Variants in VCAN observed in about 807,000 individuals in gnomAD.
VCAN encodes the protein versican, also known as versican core protein.
VCAN carries 44 observed loss-of-function variants against 245.5 expected under a neutral mutation model. That is an observed-to-expected ratio of 0.18 (90% CI 0.14 to 0.23). The LOEUF is 0.23. Ranked by LOEUF, VCAN falls within the 10% of genes least tolerant of loss-of-function variation. The pLI, the probability that VCAN is intolerant of heterozygous loss-of-function variation, is 1.00. For synonymous variants in VCAN, 1,413 were observed against 1,437.0 expected, an observed-to-expected ratio of 0.98 and a Z score of 0.38; for missense variants, 3,793 against 4,057.9, an observed-to-expected ratio of 0.93 and a Z score of 1.77.
intron 3 of VCAN, 128 bp downstream of exon 3, chr5:83,490,600 T>A: frequency 1.5e-6 from 2 of 1,377,308 alleles, no homozygotes; most frequent in Non-Finnish European, 2.0e-6. Flanking sequence ...GTCAATCCAG[T>A]AGTCCACGTC....
rs6149088 is a variant in VCAN at position 83,565,390 on chromosome 5, GGTGTGTGTGTGTGTGT to G, written c.9736-7005_9736-6990del. Reference sequence around the variant, plus strand: ...TGCCAAGAAGTATTGTATGTGTAAGGGTGTGTGTGTGTGTGTGTGTGTGTGTGTGTGTGTGTATGTG... The same window carrying G: ...TGCCAAGAAGTATTGTATGTGTAAGGGTGTGTGTGTGTGTGTGTGTATGTG... On this transcript the variant is annotated intron_variant, in intron 12 of 14. Transcript: ENST00000265077. Among the ~76,000 whole-genome samples the G allele has an allele frequency of 3.2e-4, 48 of 149,238 alleles. 1 individual carries two copies. The South Asian group carries it at 5.9e-3, about 18-fold the overall frequency.
chr5:83,568,571 T>G (rs1045072100), intron 12 of VCAN, among the ~76,000 whole-genome samples: 1 of 151,814 alleles, frequency 6.6e-6, no homozygotes, highest in Non-Finnish European at 1.5e-5. Context: ...AGTGTGAAAA[T>G]GAGATGGTTA....
rs373863261 is a variant in VCAN, at chr5:83,553,430, G to A, written c.9560G>A (p.Arg3187Gln). 83 of 1,613,996 alleles carry A rather than the reference G, an allele frequency of 5.1e-5. No individual in the cohort carries two copies. The East Asian group carries it at 1.5e-3, about 29-fold the overall frequency. ...QGQCYKYFAH[R>Q]RTWDAAEREC... Reference sequence around the variant, plus strand: ...CAGTGCTACAAATACTTTGCCCATCGACGCACATGGGATGCAGCTGAACGG... The same window carrying A: ...CAGTGCTACAAATACTTTGCCCATCAACGCACATGGGATGCAGCTGAACGG... Residue 3187 changes from arginine to glutamine, a missense_variant, in exon 11 of 15, where the codon CGA (arginine) becomes CAA (glutamine). Physicochemically the swap from Arg to Gln is conservative, Grantham distance 43. Coordinates refer to ENST00000265077, the MANE Select transcript of VCAN (RefSeq NM_004385.5).
chr5:83,513,130 C>A (rs1379474902), intron 6 of VCAN, among the ~76,000 whole-genome samples: 1 of 152,074 alleles, frequency 6.6e-6, no homozygotes, highest in Non-Finnish European at 1.5e-5. Flanking sequence ...CAGTAGTAGT[C>A]ACATGATATA....
intron 7 of VCAN, among the ~76,000 whole-genome samples, chr5:83,524,894 G>T (rs1030847882): frequency 6.6e-6 from 1 of 152,116 alleles, no homozygotes; most frequent in Non-Finnish European, 1.5e-5. Context: ...AAAGTCCTTG[G>T]TGCATGTGTG....
chr5:83,558,129 C>T (rs1482225052), intron 12 of VCAN, among the ~76,000 whole-genome samples: 1 of 152,134 alleles, frequency 6.6e-6, no homozygotes, highest in Admixed American at 6.6e-5. Flanking sequence ...TTTCCTCTAT[C>T]CTTTTCCTCT....
chr5:83,578,683 T>G (rs1190252366), intron 13 of VCAN, among the ~76,000 whole-genome samples: 1 of 152,180 alleles, frequency 6.6e-6, no homozygotes. Context: ...CCAAGGTTTC[T>G]GGTAATCATT....
At chr5:83,478,596 A>T (rs934646844) in intron 1 of VCAN, among the ~76,000 whole-genome samples, 1 of 152,208 alleles carries the variant, frequency 6.6e-6, no homozygotes, top group Non-Finnish European at 1.5e-5. Context: ...TATCCACCTA[A>T]TGGAAAACTA....
intron 7 of VCAN, among the ~76,000 whole-genome samples, chr5:83,524,915 A>G (rs1012319932): frequency 3.9e-5 from 6 of 152,216 alleles, no homozygotes; most frequent in Admixed American, 6.5e-5. Flanking sequence ...AACTTGTATA[A>G]ATCTATTCAC....
chr5:83,528,821 A>T (rs759655771), intron 7 of VCAN, among the ~76,000 whole-genome samples: 9 of 152,098 alleles, frequency 5.9e-5, no homozygotes, highest in Non-Finnish European at 8.8e-5. Flanking sequence ...AAGTTAGGGA[A>T]TCTGGAGTCA....
rs188167232 is a variant in VCAN, at chr5:83,575,126, A to G, written c.9880+2566A>G. Among the ~76,000 whole-genome samples the G allele has an allele frequency of 1.9e-3, 283 of 152,342 alleles. 1 individual carries two copies. Among genetic ancestry groups the G allele is most frequent in the African/African-American group, 6.3e-3 (264 of 41,588 alleles). ...TTGAATACAAAAATAATAAAACTAA[A>G]AACCATACTCTATAAATATTTTAGG... On this transcript the variant is annotated intron_variant, in intron 13 of 14. Transcript: ENST00000265077.
At chr5:83,548,219 A>C in intron 10 of VCAN, 135 bp downstream of exon 10, 2 of 735,134 alleles carry the variant, frequency 2.7e-6, no homozygotes. Context: ...AGCTCAAAAC[A>C]TCTGAATCAT....
At chr5:83,564,980 A>G (rs945285353) in intron 12 of VCAN, among the ~76,000 whole-genome samples, 4 of 152,152 alleles carry the variant, frequency 2.6e-5, no homozygotes, top group Non-Finnish European at 4.4e-5. Context: ...AGGTGACTGC[A>G]CCTAAGCTGA....
intron 5 of VCAN, among the ~76,000 whole-genome samples, chr5:83,498,531 C>G (rs1745231944): frequency 6.6e-6 from 1 of 152,122 alleles, no homozygotes; most frequent in Non-Finnish European, 1.5e-5. Flanking sequence ...TATCTGCTTC[C>G]TGATTTTTTT....
intron 12 of VCAN, among the ~76,000 whole-genome samples, chr5:83,566,863 A>G (rs1487393300): frequency 6.6e-6 from 1 of 152,194 alleles, no homozygotes; most frequent in African/African-American, 2.4e-5. Context: ...TAATCGAAAC[A>G]TTTAGAGTTC....
intron 6 of VCAN, among the ~76,000 whole-genome samples, chr5:83,515,911 A>C (rs1174483121): frequency 6.6e-6 from 1 of 152,164 alleles, no homozygotes; most frequent in Non-Finnish European, 1.5e-5. Context: ...ATTTGTTAGC[A>C]TTCCATCACT....
rs143834754 is a variant in VCAN, at chr5:83,499,783, G to C, written c.748+5852G>C. Among the ~76,000 whole-genome samples the C allele has an allele frequency of 3.2e-3, 487 of 152,054 alleles. 2 individuals are homozygous for C. Among genetic ancestry groups the C allele is most frequent in the African/African-American group, 0.011 (466 of 41,492 alleles). Reference sequence around the variant, plus strand: ...TCAATTATAGGTTATTATTTTTACTGTTTCTTGGTGTCAGAGTCCAGGATG... The same window carrying C: ...TCAATTATAGGTTATTATTTTTACTCTTTCTTGGTGTCAGAGTCCAGGATG... On this transcript the variant is annotated intron_variant, in intron 5 of 14. Transcript: ENST00000265077.
intron 13 of VCAN, among the ~76,000 whole-genome samples, chr5:83,575,586 A>C (rs77571844): frequency 0.018 from 2,665 of 152,282 alleles, 90 homozygotes; most frequent in African/African-American, 0.061. Context: ...ATTTTTGGTC[A>C]GATAATTCTT....
intron 2 of VCAN, among the ~76,000 whole-genome samples, chr5:83,483,972 A>C (rs768736953): frequency 3.3e-5 from 5 of 152,230 alleles, no homozygotes; most frequent in African/African-American, 4.8e-5. Context: ...TGAGAAGATA[A>C]AGAGAAAGCT....
Sources: gnomAD v4.1 joint callset for allele counts (sites outside exome capture counted in the v4.1 genomes callset) on GRCh38, gnomAD v4.1.1 for gene constraint, MANE v1.5 for transcripts, NCBI Gene and HGNC (gene_info 2026-07-23, HGNC 2026-07-21) for gene names.